The following PDXDC1 variants were observed in gnomAD, a reference collection of about 807,000 sequenced individuals.
The protein encoded by PDXDC1 is pyridoxal dependent decarboxylase domain containing 1, also known as pyridoxal-dependent decarboxylase domain-containing protein 1.
A neutral mutation model predicts 100.1 loss-of-function variants in PDXDC1; 42 were observed. That is an observed-to-expected ratio of 0.42 (90% CI 0.33 to 0.54). PDXDC1 has a LOEUF of 0.54. Among genes scored for constraint, PDXDC1 ranks in the 20% least tolerant of loss-of-function variants. The pLI, the probability that PDXDC1 is intolerant of heterozygous loss-of-function variation, is 0.10. For missense variants in PDXDC1, 636 were observed against 979.2 expected (o/e 0.65, Z 4.68); for synonymous variants, 260 against 371.7 (o/e 0.70, Z 3.46).
chr16:15,125,998 A>G (rs1417126104), intron 16 of PDXDC1: 4 of 598,108 alleles, frequency 6.7e-6, no homozygotes, highest in African/African-American at 5.6e-5. Flanking sequence ...TGAACACTTG[A>G]CAGCAGACTG....
At position 15,035,506 on chromosome 16, in the gene PDXDC1, CGCT is replaced by C. The variant is rs1379204225; in HGVS notation, c.2063_2065del (p.Leu688del). ...TACAAAGCACAAGGTGCAGGAGTCA[CGCT>C]GCCTCCAACGCCCTCGGGCAGTCGC... On this transcript the variant is annotated inframe_deletion, in exon 22 of 23. Transcript: ENST00000396410. 7 of 1,612,524 alleles carry C rather than the reference CGCT, an allele frequency of 4.3e-6. No homozygotes were observed. Among genetic ancestry groups the C allele is most frequent in the Non-Finnish European group, 5.9e-6 (7 of 1,179,524 alleles).
At chr16:14,994,399 C>G (rs1310733386) in intron 1 of PDXDC1, among the ~76,000 whole-genome samples, 1 of 152,302 alleles carries the variant, frequency 6.6e-6, no homozygotes, top group Non-Finnish European at 1.5e-5. Flanking sequence ...ACAAGGGAAT[C>G]CTTTCCCCAT....
At chr16:15,022,857 T>C (rs2042310752) in intron 13 of PDXDC1, 103 bp downstream of exon 13, 5 of 951,646 alleles carry the variant, frequency 5.3e-6, no homozygotes, top group Non-Finnish European at 7.7e-6. Context: ...CACATTTCAG[T>C]GGAATTGTGG....
rs778221681 is a variant in PDXDC1 at position 15,004,256 on chromosome 16, T to A, written c.312T>A (p.Thr104=). The part of the protein sequence containing the change: ...LGHSLGAYIS[T]LDKEKLRKLT... Reference sequence around the variant, plus strand: ...ATAGTCTGGGAGCTTATATTTCAACTCTGGACAAAGAGAAGCTGAGAAAAC... The same window carrying A: ...ATAGTCTGGGAGCTTATATTTCAACACTGGACAAAGAGAAGCTGAGAAAAC... Residue 104 remains threonine, a synonymous_variant, in exon 5 of 23, where the codon ACT becomes ACA. Transcript: ENST00000396410. 35 of 1,614,036 alleles carry A rather than the reference T, an allele frequency of 2.2e-5. No individual in the cohort carries two copies. The highest frequency in any genetic ancestry group is 2.8e-5 in the Non-Finnish European group (33 of 1,179,978).
intron 16 of PDXDC1, among the ~76,000 whole-genome samples, chr16:15,075,793 CT>C (rs2045428613): frequency 6.6e-6 from 1 of 152,140 alleles, no homozygotes; most frequent in Admixed American, 6.5e-5. Flanking sequence ...ATGGCGGGTG[CT>C]TTTGGTGCCG....
intron 1 of PDXDC1, chr16:14,988,569 A>C (rs1340115113): frequency 1.9e-6 from 3 of 1,612,668 alleles, no homozygotes; most frequent in African/African-American, 2.7e-5. Flanking sequence ...GGTCAGCTCC[A>C]CTGGCTCGTC....
At chr16:15,027,958 C>G (rs1276990013) in intron 14 of PDXDC1, among the ~76,000 whole-genome samples, 1 of 152,272 alleles carries the variant, frequency 6.6e-6, no homozygotes, top group Admixed American at 6.5e-5. Flanking sequence ...CAGCACTTCC[C>G]TTCCCCGCTT....
At chr16:15,014,771 G>A (rs1210758680) in intron 8 of PDXDC1, among the ~76,000 whole-genome samples, 1 of 152,284 alleles carries the variant, frequency 6.6e-6, no homozygotes, top group African/African-American at 2.4e-5. Context: ...CTGACTCAAC[G>A]TTTTAACTAA....
intron 16 of PDXDC1, among the ~76,000 whole-genome samples, chr16:15,079,316 A>C (rs1029226620): frequency 6.6e-6 from 1 of 152,184 alleles, no homozygotes; most frequent in Non-Finnish European, 1.5e-5. Context: ...CCTTAAACAA[A>C]GTTTTAACTG....
At chr16:14,993,941 C>A (rs1403695275) in intron 1 of PDXDC1, among the ~76,000 whole-genome samples, 2 of 152,288 alleles carry the variant, frequency 1.3e-5, no homozygotes, top group African/African-American at 2.4e-5. Context: ...TAAATGTCTT[C>A]TTTTGAGAAG....
chr16:15,055,825 G>GC, intron 16 of PDXDC1: 1 of 874,750 alleles, frequency 1.1e-6, no homozygotes, highest in Non-Finnish European at 1.5e-6. Flanking sequence ...GCGTGAGGGG[G>GC]GCGCTAGCCC....
intron 16 of PDXDC1, chr16:15,104,879 A>T (rs1224031383): frequency 5.2e-6 from 8 of 1,525,860 alleles, no homozygotes; most frequent in Non-Finnish European, 7.0e-6. Context: ...TCCATCCTCC[A>T]GGTTTCAAAA....
intron 16 of PDXDC1, among the ~76,000 whole-genome samples, chr16:15,084,321 A>AG (rs2045828667): frequency 6.6e-6 from 1 of 151,928 alleles, no homozygotes; most frequent in Non-Finnish European, 1.5e-5. Flanking sequence ...ATTTTTATTC[A>AG]TATGGCATGA....
intron 18 of PDXDC1, 135 bp downstream of exon 18, chr16:15,033,114 C>T (rs779290305): frequency 3.1e-6 from 3 of 964,292 alleles, no homozygotes; most frequent in East Asian, 2.4e-5. Flanking sequence ...GTTCTGAGAC[C>T]TCCCTCCCCT....
chr16:15,040,030 G>A (rs1251762063), downstream of PDXDC1: 1 of 1,612,236 alleles, frequency 6.2e-7, no homozygotes. Flanking sequence ...ATCTTGAAAG[G>A]ATGCTCTGTA....
intron 8 of PDXDC1, among the ~76,000 whole-genome samples, chr16:15,014,404 C>T (rs1219322466): frequency 1.3e-5 from 2 of 152,284 alleles, no homozygotes; most frequent in African/African-American, 2.4e-5. Context: ...TGTCAGCAGA[C>T]ACATGTCAAG....
At chr16:15,103,515 ATTTT>A (rs1258252511) in intron 16 of PDXDC1, among the ~76,000 whole-genome samples, 3 of 151,034 alleles carry the variant, frequency 2.0e-5, no homozygotes, top group Admixed American at 2.0e-4. Context: ...TATTTTATTT[ATTTT>A]TTGAGTCAGA....
chr16:15,143,885 C>T (rs942155821), downstream of PDXDC1, among the ~76,000 whole-genome samples: 3 of 152,224 alleles, frequency 2.0e-5, no homozygotes, highest in Non-Finnish European at 1.5e-5. Flanking sequence ...AAAGAAACAT[C>T]TGCACATTCC....
chr16:15,150,992 A>G, the PDXDC1 span, among the ~76,000 whole-genome samples: 1 of 5,412 alleles, frequency 1.8e-4, no homozygotes, highest in Admixed American at 1.9e-3. Context: ...CAGCTACTGG[A>G]GAGGCTGAGG....
Sources: allele counts gnomAD v4.1 joint callset (sites outside exome capture counted in the v4.1 genomes callset), GRCh38; gene constraint gnomAD v4.1.1; transcripts MANE v1.5; gene names NCBI Gene and HGNC (gene_info 2026-07-23, HGNC 2026-07-21).